Variants in IL1RAPL1 observed in about 807,000 individuals in gnomAD.
The protein encoded by IL1RAPL1 is interleukin 1 receptor accessory protein like 1.
IL1RAPL1 carries 3 observed loss-of-function variants against 48.4 expected under a neutral mutation model. The ratio of observed to expected loss-of-function variants is 0.06; its 90% confidence interval spans 0.03 to 0.16. IL1RAPL1 has a LOEUF of 0.16. Among genes scored for constraint, IL1RAPL1 ranks in the 10% least tolerant of loss-of-function variants. IL1RAPL1 has a pLI of 1.00. For missense variants in IL1RAPL1, 349 were observed against 530.6 expected, an observed-to-expected ratio of 0.66 and a Z score of 3.36; for synonymous variants, 185 against 187.7, an observed-to-expected ratio of 0.99 and a Z score of 0.12.
intron 5 of IL1RAPL1, among the ~76,000 whole-genome samples, chrX:29,580,136 C>CT (rs762760607): frequency 0.013 from 1,253 of 93,138 alleles, 8 homozygotes; most frequent in Middle Eastern, 0.027. Context: ...CTCAGAAAGT[C>CT]TTTTTTTTTT....
chrX:29,374,766 T>A (rs1401715917), intron 3 of IL1RAPL1, among the ~76,000 whole-genome samples: 2 of 109,455 alleles, frequency 1.8e-5, no homozygotes. Context: ...CAGTAATAGA[T>A]GTTGTTGAAG....
intron 6 of IL1RAPL1, among the ~76,000 whole-genome samples, chrX:29,769,427 GTTTTTTTTTTTTTT>G (rs749403144): frequency 1.3e-3 from 33 of 25,879 alleles, no homozygotes; most frequent in Non-Finnish European, 1.7e-3. Context: ...CTGCCAAACA[GTTTTTTTTTTTTTT>G]TTTTTTTTTT....
chrX:29,292,647 A>C (rs1932388628), intron 3 of IL1RAPL1, among the ~76,000 whole-genome samples: 1 of 111,264 alleles, frequency 9.0e-6, no homozygotes, highest in South Asian at 3.7e-4. Flanking sequence ...AGTCCGTATA[A>C]ATGTTTTATA....
chrX:29,102,308 C>T (rs1406268956), intron 2 of IL1RAPL1, among the ~76,000 whole-genome samples: 1 of 111,903 alleles, frequency 8.9e-6, no homozygotes, highest in Non-Finnish European at 1.9e-5. Flanking sequence ...CAGTGTAGTA[C>T]TGGAAGTCCT....
chrX:29,826,319 A>G (rs1301444774), intron 6 of IL1RAPL1, among the ~76,000 whole-genome samples: 1 of 111,892 alleles, frequency 8.9e-6, no homozygotes, highest in East Asian at 2.8e-4. Flanking sequence ...CAGCTGCTGG[A>G]CATAACCCCA....
At chrX:29,930,711 A>G (rs957178781) in intron 8 of IL1RAPL1, among the ~76,000 whole-genome samples, 1 of 111,901 alleles carries the variant, frequency 8.9e-6, no homozygotes, top group African/African-American at 3.2e-5. Context: ...TAGGAAACCT[A>G]TCATTACTCT....
intron 2 of IL1RAPL1, among the ~76,000 whole-genome samples, chrX:29,065,436 T>C (rs1927433319): frequency 8.9e-6 from 1 of 112,042 alleles, no homozygotes; most frequent in South Asian, 3.7e-4. Context: ...TAAATTGTTT[T>C]TCTCTTGTTG....
chrX:29,282,734 G>A (rs1043232418), intron 2 of IL1RAPL1, among the ~76,000 whole-genome samples: 2 of 112,170 alleles, frequency 1.8e-5, no homozygotes, highest in Admixed American at 1.9e-4. Flanking sequence ...ACTCAGTGAA[G>A]AATATATTGT....
intron 3 of IL1RAPL1, among the ~76,000 whole-genome samples, chrX:29,321,270 G>A (rs1291878828): frequency 8.9e-6 from 1 of 111,804 alleles, no homozygotes; most frequent in African/African-American, 3.3e-5. Context: ...TTTGCCCACA[G>A]ACAGAAAGAA....
chrX:28,609,798 A>G (rs1392397041), intron 1 of IL1RAPL1, among the ~76,000 whole-genome samples: 1 of 110,309 alleles, frequency 9.1e-6, no homozygotes, highest in Non-Finnish European at 1.9e-5. Context: ...GTGTTATCCA[A>G]TAACCCTCCC....
chrX:29,672,946 G>T (rs1001290793), intron 6 of IL1RAPL1, among the ~76,000 whole-genome samples: 7 of 112,098 alleles, frequency 6.2e-5, no homozygotes, highest in African/African-American at 2.3e-4. Flanking sequence ...AGAAACTTCA[G>T]ATTTTTAAAC....
intron 2 of IL1RAPL1, among the ~76,000 whole-genome samples, chrX:28,916,552 A>C (rs750319511): frequency 8.9e-6 from 1 of 112,346 alleles, no homozygotes; most frequent in East Asian, 2.8e-4. Context: ...TGTTCTTTAG[A>C]GCTGTGCTAG....
chrX:29,080,854 C>T (rs935359421), intron 2 of IL1RAPL1, among the ~76,000 whole-genome samples: 2 of 107,238 alleles, frequency 1.9e-5, no homozygotes, highest in Non-Finnish European at 3.9e-5. Flanking sequence ...GCAATCCTCC[C>T]ACCTCAGCGT....
At chrX:29,405,600 T>G (rs917251578) in intron 5 of IL1RAPL1, among the ~76,000 whole-genome samples, 2 of 105,892 alleles carry the variant, frequency 1.9e-5, no homozygotes, top group African/African-American at 7.5e-5. Flanking sequence ...TCTCCTGACC[T>G]CGTGATCCAC....
intron 1 of IL1RAPL1, among the ~76,000 whole-genome samples, chrX:28,676,688 G>A (rs1394241409): frequency 9.2e-6 from 1 of 108,336 alleles, no homozygotes; most frequent in African/African-American, 3.4e-5. Context: ...AGTCAAGATT[G>A]CACCACTGCA....
chrX:29,146,241 ACT>A (rs1158077541), intron 2 of IL1RAPL1, among the ~76,000 whole-genome samples: 1 of 110,294 alleles, frequency 9.1e-6, no homozygotes, highest in African/African-American at 3.3e-5. Context: ...CTGCAGGAAC[ACT>A]CCTGCCTCTG....
At chrX:28,923,229 T>C (rs1328719822) in intron 2 of IL1RAPL1, among the ~76,000 whole-genome samples, 1 of 109,916 alleles carries the variant, frequency 9.1e-6, no homozygotes, top group Non-Finnish European at 1.9e-5. Flanking sequence ...CAGGCTGGAG[T>C]GCGATGGTGC....
intron 5 of IL1RAPL1, among the ~76,000 whole-genome samples, chrX:29,523,679 G>A (rs1177632415): frequency 2.7e-5 from 3 of 110,972 alleles, no homozygotes; most frequent in South Asian, 3.7e-4. Flanking sequence ...AGTAAATCAC[G>A]TTTGAATCCA....
intron 2 of IL1RAPL1, among the ~76,000 whole-genome samples, chrX:29,019,864 A>G (rs1049138580): frequency 8.9e-6 from 1 of 112,301 alleles, no homozygotes; most frequent in African/African-American, 3.2e-5. Flanking sequence ...ACAAGACTGT[A>G]GTTCAAAAAG....
Sources: allele counts gnomAD v4.1 joint callset (sites outside exome capture counted in the v4.1 genomes callset), GRCh38; gene constraint gnomAD v4.1.1; transcripts MANE v1.5; gene names NCBI Gene and HGNC (gene_info 2026-07-23, HGNC 2026-07-21).